Variants in SP100 observed in about 807,000 individuals in gnomAD.
SP100 encodes the protein SP100 nuclear body protein.
A neutral mutation model predicts 130.0 loss-of-function variants in SP100; 84 were observed. The observed-to-expected ratio is 0.65, with a 90% confidence interval of 0.54 to 0.77. SP100 has a LOEUF of 0.77. Ranked by LOEUF, SP100 falls within the 30% of genes least tolerant of loss-of-function variation. The pLI is 0.00. For missense variants in SP100, 978 were observed against 1,052.2 expected, an observed-to-expected ratio of 0.93 and a Z score of 0.97; for synonymous variants, 331 against 351.7, an observed-to-expected ratio of 0.94 and a Z score of 0.66.
intron 8 of SP100, among the ~76,000 whole-genome samples, chr2:230,460,520 T>C (rs1442038876): frequency 3.9e-5 from 6 of 152,074 alleles, no homozygotes; most frequent in Admixed American, 2.0e-4. Flanking sequence ...GGTAGTTGTC[T>C]TTGAGCAAGT....
rs1330299338 is a variant in SP100, at chr2:230,449,621, CAA to C, written c.649_650del (p.Lys217GlufsTer7). On this transcript the variant is annotated frameshift_variant, in exon 7 of 29. Transcript: ENST00000340126. LOFTEE classifies it high-confidence loss of function. ...CCCTGTGAAACAGAACAGATAAATG[CAA>C]AGAGAAAAGATACAACCAGTGACAA... The C allele has an allele frequency of 6.2e-7, 1 of 1,613,930 alleles. No homozygotes were observed. Among genetic ancestry groups the C allele is most frequent in the Non-Finnish European group, 8.5e-7 (1 of 1,179,924 alleles).
chr2:230,500,686 G>A (rs2066970460), intron 19 of SP100, among the ~76,000 whole-genome samples: 1 of 152,118 alleles, frequency 6.6e-6, no homozygotes, highest in African/African-American at 2.4e-5. Context: ...GGAGAGAAGA[G>A]TTAGAAGTGG....
intron 15 of SP100, among the ~76,000 whole-genome samples, chr2:230,472,107 C>T (rs896502155): frequency 8.6e-5 from 13 of 151,876 alleles, no homozygotes; most frequent in African/African-American, 3.1e-4. Flanking sequence ...TGGATAAAGA[C>T]AAAGATTGAA....
intron 2 of SP100, among the ~76,000 whole-genome samples, chr2:230,424,756 T>C (rs907218304): frequency 6.6e-6 from 1 of 152,118 alleles, no homozygotes; most frequent in Non-Finnish European, 1.5e-5. Flanking sequence ...GCCAGCATTT[T>C]CTTAACTAAA....
intron 17 of SP100, among the ~76,000 whole-genome samples, chr2:230,476,131 A>C (rs1261105570): frequency 6.6e-6 from 1 of 152,240 alleles, no homozygotes; most frequent in Admixed American, 6.5e-5. Flanking sequence ...TTTAAACAGT[A>C]TAGTCATTCA....
At chr2:230,522,476 CTTTTTTTTTTT>C (rs750389091) in intron 24 of SP100, among the ~76,000 whole-genome samples, 1 of 82,138 alleles carries the variant, frequency 1.2e-5, no homozygotes, top group Non-Finnish European at 2.1e-5. Flanking sequence ...CCCCAGTGTT[CTTTTTTTTTTT>C]TTTTTTTTTT....
chr2:230,504,635 C>T (rs2067218174), intron 21 of SP100, among the ~76,000 whole-genome samples: 1 of 152,164 alleles, frequency 6.6e-6, no homozygotes, highest in Non-Finnish European at 1.5e-5. Flanking sequence ...ACCAGGGAAA[C>T]CAGCCTGAGT....
intron 10 of SP100, 62 bp from the exon 11 acceptor site, chr2:230,464,005 C>T (rs2306275): frequency 0.17 from 187,424 of 1,124,864 alleles, 18,140 homozygotes; most frequent in South Asian, 0.29. Flanking sequence ...AGGGAATTTC[C>T]TACTGAACTG....
chr2:230,474,350 A>T (rs2065426562), intron 16 of SP100, 44 bp from the exon 17 acceptor site: 1 of 1,003,008 alleles, frequency 1.0e-6, no homozygotes. Flanking sequence ...TATAAATTTT[A>T]CTTATAAATT....
intron 17 of SP100, among the ~76,000 whole-genome samples, chr2:230,492,062 C>T (rs1171004422): frequency 6.6e-6 from 1 of 152,032 alleles, no homozygotes; most frequent in Non-Finnish European, 1.5e-5. Context: ...AGACAGTATC[C>T]TTTAGTTTCC....
intron 2 of SP100, among the ~76,000 whole-genome samples, chr2:230,426,147 T>G (rs2062925815): frequency 6.6e-6 from 1 of 152,186 alleles, no homozygotes; most frequent in Admixed American, 6.5e-5. Context: ...TTTTTTAACT[T>G]GGTTAGTTTA....
chr2:230,427,631 T>C (rs975411668), intron 2 of SP100, among the ~76,000 whole-genome samples: 6 of 152,204 alleles, frequency 3.9e-5, no homozygotes, highest in African/African-American at 1.4e-4. Context: ...GTACTTTTTT[T>C]CTTTCTTTTT....
rs190282805 is a variant in SP100, at chr2:230,435,891, G to C, written c.108-7046G>C. 2.4e-4 allele frequency among the ~76,000 whole-genome samples: 36 copies of C among 149,808 alleles called. No homozygotes were observed. In the East Asian group the frequency reaches 6.9e-3, roughly 29 times the overall value. On this transcript the variant is annotated intron_variant, in intron 2 of 28. Coordinates refer to ENST00000340126, the MANE Select transcript of SP100 (RefSeq NM_001080391.2). Reference sequence around the variant, plus strand: ...ATTATAGACTAGAGAAAGAAAATGTGGTACATATACACTATGAAATACTAT... The same window carrying C: ...ATTATAGACTAGAGAAAGAAAATGTCGTACATATACACTATGAAATACTAT...
chr2:230,436,926 A>AT (rs59413754), intron 2 of SP100, among the ~76,000 whole-genome samples: 5 of 81,132 alleles, frequency 6.2e-5, no homozygotes, highest in South Asian at 3.1e-4. Flanking sequence ...GTATACACAC[A>AT]AGTGTATACA....
chr2:230,481,825 G>A (rs772031481), intron 17 of SP100, among the ~76,000 whole-genome samples: 80 of 152,180 alleles, frequency 5.3e-4, no homozygotes, highest in Non-Finnish European at 5.4e-4. Context: ...AAACCAAGTA[G>A]TGTTCAGCCT....
intron 24 of SP100, chr2:230,538,069 T>C (rs1692015625): frequency 6.6e-6 from 1 of 152,204 alleles, no homozygotes; most frequent in African/African-American, 2.4e-5. Flanking sequence ...CTGGACAATA[T>C]TTAAGACATA....
At chr2:230,417,219 C>A (rs528400095) in intron 1 of SP100, among the ~76,000 whole-genome samples, 2 of 152,002 alleles carry the variant, frequency 1.3e-5, no homozygotes, top group African/African-American at 2.4e-5. Context: ...TTTGTAAATA[C>A]GTAATTTATG....
At chr2:230,448,640 T>C (rs1457938477) in intron 5 of SP100, among the ~76,000 whole-genome samples, 1 of 152,196 alleles carries the variant, frequency 6.6e-6, no homozygotes, top group Non-Finnish European at 1.5e-5. Context: ...AAGTAGAGGC[T>C]ACTCAGACAC....
chr2:230,443,164 C>G, intron 3 of SP100, 65 bp downstream of exon 3: 1 of 1,516,200 alleles, frequency 6.6e-7, no homozygotes, highest in South Asian at 1.2e-5. Context: ...GCTTTGATAT[C>G]CTAGACCAAA....
Sources: allele counts gnomAD v4.1 joint callset (sites outside exome capture counted in the v4.1 genomes callset), GRCh38; gene constraint gnomAD v4.1.1; transcripts MANE v1.5; gene names NCBI Gene and HGNC (gene_info 2026-07-23, HGNC 2026-07-21).